The following HDAC9 variants were observed in gnomAD, a reference collection of about 807,000 sequenced individuals.
HDAC9 encodes histone deacetylase 9.
HDAC9 carries 41 observed loss-of-function variants against 139.4 expected under a neutral mutation model. The ratio of observed to expected loss-of-function variants is 0.29; its 90% CI spans 0.23 to 0.38. The LOEUF (loss-of-function observed/expected upper bound fraction) is 0.38. HDAC9 is among the 10% of genes least tolerant of loss of function. HDAC9 has a pLI of 1.00. For missense variants in HDAC9, 1,147 were observed against 1,297.0 expected (o/e 0.88, Z 1.78); for synonymous variants, 517 against 476.2 (o/e 1.09, Z -1.12).
At chr7:18,731,656 G>T (rs1013421024) in intron 13 of HDAC9, among the ~76,000 whole-genome samples, 2 of 152,026 alleles carry the variant, frequency 1.3e-5, no homozygotes, top group African/African-American at 2.4e-5. Context: ...ACGGAGTTTT[G>T]CTCTTGTTGC....
At chr7:18,669,615 A>G (rs1795540740) in intron 12 of HDAC9, among the ~76,000 whole-genome samples, 1 of 151,858 alleles carries the variant, frequency 6.6e-6, no homozygotes. Flanking sequence ...ATTTCCTGAA[A>G]TTTGCCTTTG....
chr7:18,671,007 C>T (rs1795643213), intron 12 of HDAC9, among the ~76,000 whole-genome samples: 1 of 151,852 alleles, frequency 6.6e-6, no homozygotes, highest in South Asian at 2.1e-4. Flanking sequence ...GGGACTGAAA[C>T]AGAGTGGCCA....
At chr7:18,631,959 ATAAGGAAATACTTCAGTCT>A (rs1782490328) in intron 7 of HDAC9, among the ~76,000 whole-genome samples, 1 of 151,978 alleles carries the variant, frequency 6.6e-6, no homozygotes, top group African/African-American at 2.4e-5. Flanking sequence ...TGATTTCTAC[ATAAGGAAATACTTCAGTCT>A]TAATATCATA....
intron 6 of HDAC9, among the ~76,000 whole-genome samples, chr7:18,599,657 T>A (rs1039844488): frequency 2.0e-5 from 3 of 152,004 alleles, no homozygotes; most frequent in African/African-American, 7.3e-5. Context: ...AATATTCCAT[T>A]GTATGGCTGA....
At chr7:18,180,893 C>G (rs1247588038) in intron 2 of HDAC9, among the ~76,000 whole-genome samples, 1 of 152,174 alleles carries the variant, frequency 6.6e-6, no homozygotes, top group African/African-American at 2.4e-5. Flanking sequence ...TGTTTCTTAT[C>G]TCTTCTAGCA....
upstream of HDAC9, among the ~76,000 whole-genome samples, chr7:18,285,989 C>T (rs1797425204): frequency 6.6e-6 from 1 of 152,042 alleles, no homozygotes; most frequent in Non-Finnish European, 1.5e-5. Context: ...TTGTTGTTCA[C>T]CCTGAGTTCC....
At chr7:18,748,529 G>A (rs28615740) in intron 13 of HDAC9, among the ~76,000 whole-genome samples, 5,148 of 152,116 alleles carry the variant, frequency 0.034, 292 homozygotes, top group African/African-American at 0.12. Flanking sequence ...AAAATCTTCC[G>A]TTTTATTACA....
rs148322627 is a variant in HDAC9 at position 18,638,153 on chromosome 7, G to A, written c.912+3411G>A. Among the ~76,000 whole-genome samples the A allele has an allele frequency of 9.5e-4, 145 of 152,146 alleles. 2 individuals are homozygous for A. In the Middle Eastern group the frequency reaches 0.031, roughly 32 times the overall value. On this transcript the variant is annotated intron_variant, in intron 8 of 25. Coordinates refer to ENST00000686413, the MANE Select transcript of HDAC9 (RefSeq NM_178425.4). ...GCTTAAGCAACACTGGTAAGTTTTC[G>A]TATTAAAGTAGTGTATATTTGAATG... is the stretch of plus-strand genomic sequence containing the variant.
chr7:18,989,955 C>T (rs1785731692), intron 25 of HDAC9, among the ~76,000 whole-genome samples: 1 of 151,672 alleles, frequency 6.6e-6, no homozygotes, highest in African/African-American at 2.4e-5. Context: ...ATACATTCTT[C>T]TAAATTTTTT....
chr7:18,415,695 G>T (rs1393760052), intron 1 of HDAC9, among the ~76,000 whole-genome samples: 1 of 152,176 alleles, frequency 6.6e-6, no homozygotes, highest in Non-Finnish European at 1.5e-5. Flanking sequence ...TTATGATGCA[G>T]TATCAAGGTT....
At chr7:18,458,005 C>A (rs1011323453) in intron 1 of HDAC9, among the ~76,000 whole-genome samples, 3 of 152,134 alleles carry the variant, frequency 2.0e-5, no homozygotes, top group Non-Finnish European at 4.4e-5. Flanking sequence ...TGGCCATACA[C>A]GCCTCAGATG....
intron 1 of HDAC9, among the ~76,000 whole-genome samples, chr7:18,092,127 G>A (rs965818124): frequency 3.3e-5 from 5 of 152,090 alleles, no homozygotes; most frequent in Admixed American, 6.5e-5. Flanking sequence ...GGCTTATGCC[G>A]GTAATCCCAG....
In HDAC9 at chr7:18,799,040, GACACACACACACACACAC is replaced by G. The variant is rs201166800; in HGVS notation, c.2322+5626_2322+5643del. Among the ~76,000 whole-genome samples, 356 of 47,544 alleles carry G rather than the reference GACACACACACACACACAC, an allele frequency of 7.5e-3. 2 individuals are homozygous for G. The highest frequency in any genetic ancestry group is 0.017 in the South Asian group (20 of 1,154). 31.2% of individuals were successfully genotyped at this position (47,544 alleles called of 152,430 possible). Reference sequence around the variant, plus strand: ...GCTAAATATTTAAAATGTGCCCTAAGACACACACACACACACACACACACACACACACACACACACACA... The same window carrying G: ...GCTAAATATTTAAAATGTGCCCTAAGACACACACACACACACACACACACA... On this transcript the variant is annotated intron_variant, in intron 17 of 25. Coordinates refer to ENST00000686413, the MANE Select transcript of HDAC9 (RefSeq NM_178425.4).
chr7:18,361,829 A>G (rs960705770), intron 1 of HDAC9, among the ~76,000 whole-genome samples: 1 of 151,992 alleles, frequency 6.6e-6, no homozygotes, highest in Non-Finnish European at 1.5e-5. Flanking sequence ...AAAAAAAAAA[A>G]CATTCTGGCA....
intron 22 of HDAC9, among the ~76,000 whole-genome samples, chr7:18,883,802 C>CA (rs921603771): frequency 9.3e-5 from 14 of 151,020 alleles, no homozygotes; most frequent in East Asian, 1.9e-4. Flanking sequence ...AAGGTTCCAG[C>CA]AAAAAAAACC....
chr7:18,435,980 T>C (rs935106800), intron 1 of HDAC9, among the ~76,000 whole-genome samples: 6 of 149,942 alleles, frequency 4.0e-5, no homozygotes, highest in African/African-American at 9.8e-5. Context: ...ATATGAAATA[T>C]ATGTGTGTAT....
chr7:18,257,982 C>G (rs986186529), intron 2 of HDAC9, among the ~76,000 whole-genome samples: 6 of 152,136 alleles, frequency 3.9e-5, no homozygotes, highest in Non-Finnish European at 2.9e-5. Context: ...CTCTCCAACC[C>G]CATCTCAGAC....
At chr7:18,143,652 G>A (rs557201701) in intron 1 of HDAC9, among the ~76,000 whole-genome samples, 2 of 152,040 alleles carry the variant, frequency 1.3e-5, no homozygotes, top group Non-Finnish European at 2.9e-5. Context: ...TAGGCGTGGT[G>A]GCGGGCACCT....
At chr7:18,633,686 A>T (rs916662664) in intron 7 of HDAC9, among the ~76,000 whole-genome samples, 3 of 152,092 alleles carry the variant, frequency 2.0e-5, no homozygotes, top group African/African-American at 7.2e-5. Flanking sequence ...AGGTGTAATG[A>T]TGAGGCAGCT....
Sources: gnomAD v4.1 joint callset for allele counts (sites outside exome capture counted in the v4.1 genomes callset) on GRCh38, gnomAD v4.1.1 for gene constraint, MANE v1.5 for transcripts, NCBI Gene and HGNC (gene_info 2026-07-23, HGNC 2026-07-21) for gene names.